NR2C1: variants seen among roughly 807,000 people sequenced by gnomAD.
NR2C1 encodes TR2 nuclear hormone receptor.
A neutral mutation model predicts 74.8 loss-of-function variants in NR2C1; 33 were observed. That is an observed-to-expected ratio of 0.44 (90% confidence interval 0.33 to 0.59). The LOEUF is 0.59. Among genes scored for constraint, NR2C1 ranks in the 20% least tolerant of loss-of-function variants. NR2C1 has a pLI of 0.02. For synonymous variants in NR2C1, 225 were observed against 240.6 expected (o/e 0.94, Z 0.60); for missense variants, 568 against 715.6 (o/e 0.79, Z 2.35).
Position 95,022,138 on chromosome 12 carries a change from A to C in NR2C1, c.*91T>G, listed in dbSNP as rs772358287. ...ATTCTGGTTACTTTTTAAAGTAAAA[A>C]TTTCCAGATGCCTCAAAAGCAGTGA... On this transcript the variant is annotated 3_prime_UTR_variant, in exon 14 of 14. Transcript: ENST00000333003. 9.4e-7 allele frequency: 1 copy of C among 1,062,036 alleles called. No homozygotes were observed. Among genetic ancestry groups the C allele is most frequent in the African/African-American group, 1.7e-5 (1 of 60,570 alleles). The allele number at this position is 1,062,036 out of a possible 1,614,324, so 65.8% of individuals were successfully genotyped here. A position where few individuals can be genotyped will look rare whatever the true frequency, so the allele number is the denominator to read the frequency against.
chr12:95,041,581 C>T (rs767688719), intron 9 of NR2C1, among the ~76,000 whole-genome samples: 17 of 152,130 alleles, frequency 1.1e-4, no homozygotes, highest in Non-Finnish European at 2.1e-4. Context: ...AGTAAGTGGT[C>T]AGTTTATATT....
At chr12:95,030,285 T>C in intron 11 of NR2C1, 1 of 324,402 alleles carries the variant, frequency 3.1e-6, no homozygotes, top group African/African-American at 2.2e-5. Flanking sequence ...TAGGATTTTA[T>C]TTAAGCTTAT....
intron 4 of NR2C1, among the ~76,000 whole-genome samples, chr12:95,059,699 ACT>A (rs1874454586): frequency 6.6e-6 from 1 of 152,084 alleles, no homozygotes; most frequent in Non-Finnish European, 1.5e-5. Context: ...CAACAGTGAG[ACT>A]CTATATCACA....
chr12:95,053,501 G>A (rs943414144), intron 7 of NR2C1, among the ~76,000 whole-genome samples: 3 of 151,878 alleles, frequency 2.0e-5, no homozygotes, highest in Non-Finnish European at 2.9e-5. Context: ...GTTTTTCTGA[G>A]TATAATTTTT....
chr12:95,040,417 G>A (rs1018126265), intron 10 of NR2C1, 59 bp downstream of exon 10: 2 of 1,516,526 alleles, frequency 1.3e-6, no homozygotes, highest in Admixed American at 2.0e-5. Flanking sequence ...AAAAAGTTTT[G>A]TTTAATGTAC....
chr12:95,022,983 G>A (rs923305978), intron 13 of NR2C1, among the ~76,000 whole-genome samples: 1 of 151,506 alleles, frequency 6.6e-6, no homozygotes, highest in Non-Finnish European at 1.5e-5. Flanking sequence ...GATTATAAGC[G>A]TGAGCCATTG....
chr12:95,044,403 G>A (rs921979980), intron 9 of NR2C1, among the ~76,000 whole-genome samples: 8 of 151,614 alleles, frequency 5.3e-5, no homozygotes, highest in African/African-American at 1.9e-4. Context: ...GAGTAGCTGG[G>A]ATTACAGGTG....
chr12:95,068,686 C>T (rs749777731), intron 1 of NR2C1, among the ~76,000 whole-genome samples: 2 of 151,884 alleles, frequency 1.3e-5, no homozygotes, highest in African/African-American at 4.8e-5. Flanking sequence ...CCCAGCTACT[C>T]AGGAGGCTGA....
At chr12:95,067,952 C>A (rs767618617) in intron 1 of NR2C1, among the ~76,000 whole-genome samples, 1 of 139,812 alleles carries the variant, frequency 7.2e-6, no homozygotes, top group Non-Finnish European at 1.5e-5. Context: ...ATGATCTTGG[C>A]TCACTGCAAG....
At position 95,060,752 on chromosome 12, in the gene NR2C1, GA is replaced by G. The variant is rs1358778045; in HGVS notation, c.286-769del. On this transcript the variant is annotated intron_variant, in intron 3 of 13. Transcript: ENST00000333003. Reference sequence around the variant, plus strand: ...TCATTTTCTTTCAATCTTGAAATGTGAACAAATAAATTCAATTAAAGAAAAT... The same window carrying G: ...TCATTTTCTTTCAATCTTGAAATGTGACAAATAAATTCAATTAAAGAAAAT... Among the ~76,000 whole-genome samples the G allele has an allele frequency of 5.9e-5, 9 of 152,246 alleles. No individual in the cohort carries two copies. In the East Asian group the frequency reaches 1.7e-3, roughly 29 times the overall value.
intron 7 of NR2C1, among the ~76,000 whole-genome samples, chr12:95,054,509 T>TC (rs1474889169): frequency 6.6e-6 from 1 of 151,984 alleles, no homozygotes; most frequent in Admixed American, 6.6e-5. Flanking sequence ...TCGCTATGTT[T>TC]CCCAGGTTGG....
rs1256414854 is a variant in NR2C1 at position 95,020,377 on chromosome 12, G to A, written c.*1852C>T. On this transcript the variant is annotated 3_prime_UTR_variant, in exon 14 of 14. Coordinates refer to ENST00000333003, the MANE Select transcript of NR2C1 (RefSeq NM_003297.4). ...AACACCTGAAACATCTTAACTATTAGTACATTATTTTAAAGGATTATTTCC... is the reference window on the plus strand; with the variant it reads ...AACACCTGAAACATCTTAACTATTAATACATTATTTTAAAGGATTATTTCC... 6.6e-6 allele frequency: 1 copy of A among 151,990 alleles called. No individual in the cohort carries two copies. Among genetic ancestry groups the A allele is most frequent in the Admixed American group, 6.6e-5 (1 of 15,248 alleles). The allele number at this position is 151,990 out of a possible 1,614,324, so 9.4% of individuals were successfully genotyped here.
chr12:95,031,225 A>G, intron 11 of NR2C1, 124 bp downstream of exon 11: 1 of 776,438 alleles, frequency 1.3e-6, no homozygotes, highest in Non-Finnish European at 1.8e-6. Flanking sequence ...ATCTAAAGTA[A>G]GAAGAGCATT....
chr12:95,022,251 TGA>T lies in NR2C1; in HGVS notation c.1788_1789del (p.Gln597AsnfsTer15), dbSNP rs755839742. 6 of 1,610,892 alleles carry T rather than the reference TGA, an allele frequency of 3.7e-6. No homozygotes were observed. The South Asian group carries it at 6.6e-5, about 18-fold the overall frequency. ...TTTTCAAATGCTGTGACCAATTATT[TGA>T]GAGTTATAATCTGCAGGCTCCATTT... On this transcript the variant is annotated frameshift_variant, in exon 14 of 14. Coordinates refer to ENST00000333003, the MANE Select transcript of NR2C1 (RefSeq NM_003297.4). LOFTEE classifies it high-confidence loss of function.
At chr12:95,058,915 A>C (rs1874322065) in intron 4 of NR2C1, among the ~76,000 whole-genome samples, 2 of 152,088 alleles carry the variant, frequency 1.3e-5, no homozygotes. Context: ...GGCATGAGCC[A>C]TCTCACCTGG....
rs114293472 is a variant in NR2C1, at chr12:95,042,776, C to T, written c.1132-2179G>A. ...AAGAATGTTTGAGAAAGGTTTACTA[C>T]AGCAGTAAGTTAAAATACAATTATT... On this transcript the variant is annotated intron_variant, in intron 9 of 13. Coordinates refer to ENST00000333003, the MANE Select transcript of NR2C1 (RefSeq NM_003297.4). Among the ~76,000 whole-genome samples the T allele has an allele frequency of 7.2e-3, 1,095 of 152,084 alleles. 12 individuals are homozygous for T. Among genetic ancestry groups the T allele is most frequent in the African/African-American group, 0.024 (979 of 41,512 alleles).
At chr12:95,068,044 A>G (rs1486202753) in intron 1 of NR2C1, among the ~76,000 whole-genome samples, 1 of 151,694 alleles carries the variant, frequency 6.6e-6, no homozygotes, top group Non-Finnish European at 1.5e-5. Flanking sequence ...ACGCCAGCTA[A>G]TTTTTTTGTA....
Position 95,054,509 on chromosome 12 carries a change from TC to T in NR2C1, c.784-2567del, listed in dbSNP as rs1474889169. Among the ~76,000 whole-genome samples, 4 of 152,100 alleles carry T rather than the reference TC, an allele frequency of 2.6e-5. No homozygotes were observed. The East Asian group carries it at 7.7e-4, about 29-fold the overall frequency. On this transcript the variant is annotated intron_variant, in intron 7 of 13. Transcript: ENST00000333003. The stretch of plus-strand genomic sequence containing the variant: ...TTTAGAGACAGAGTCTCGCTATGTT[TC>T]CCAGGTTGGTCTCAAATTCCTAGCC...
chr12:95,053,101 A>G (rs2136162191), intron 7 of NR2C1, among the ~76,000 whole-genome samples: 1 of 151,854 alleles, frequency 6.6e-6, no homozygotes, highest in East Asian at 1.9e-4. Context: ...TTCCCACCTC[A>G]GCCTCCTGAC....
Sources: allele counts gnomAD v4.1 joint callset (sites outside exome capture counted in the v4.1 genomes callset), GRCh38; gene constraint gnomAD v4.1.1; transcripts MANE v1.5; gene names NCBI Gene and HGNC (gene_info 2026-07-23, HGNC 2026-07-21).